The following HAS1 variants were observed in gnomAD, a reference collection of about 807,000 sequenced individuals.
HAS1 encodes the protein hyaluronan synthase 1, also known as HA synthase 1.
Under a neutral mutation model 35.0 loss-of-function variants are expected in HAS1, and 27 were observed. The ratio of observed to expected loss-of-function variants is 0.77; its 90% CI spans 0.57 to 1.06. The LOEUF (loss-of-function observed/expected upper bound fraction) is 1.06, where lower values mean the gene tolerates loss of function less well. Among genes scored for constraint, HAS1 ranks in the 50% least tolerant of loss-of-function variants. HAS1 has a pLI of 0.00. For missense variants in HAS1, 940 were observed against 814.8 expected (o/e 1.15, Z -1.87); for synonymous variants, 409 against 371.2 (o/e 1.10, Z -1.17).
In HAS1 at chr19:51,719,879, G is replaced by A; in HGVS notation, c.26C>T (p.Thr9Ile). The change falls in exon 2 of 5, where the codon ACT becomes ATT. Residue 9 changes from threonine to isoleucine, a missense_variant. Transcript: ENST00000540069. MRQDAPKP[T>I]PAACRCSGLA... ...GCCGGAGCAGCGGCAGGCTGCAGGA[G>A]TGGGCTTGGGCGCGTCCTGCTGGGA... 49 of 1,537,628 alleles carry A rather than the reference G, an allele frequency of 3.2e-5. No individual in the cohort carries two copies. Among genetic ancestry groups the A allele is most frequent in the Non-Finnish European group, 4.3e-5 (49 of 1,146,776 alleles).
At chr19:51,723,655 G>A (rs539726386) in intron 1 of HAS1, among the ~76,000 whole-genome samples, 2 of 152,068 alleles carry the variant, frequency 1.3e-5, no homozygotes, top group South Asian at 2.1e-4. Context: ...AGCAAGATAC[G>A]CAGATACAGA....
Position 51,719,767 on chromosome 19 carries a change from G to C in HAS1, c.138C>G (p.Ala46=), listed in dbSNP as rs1399183052. 6.4e-7 allele frequency: 1 copy of C among 1,564,884 alleles called. No individual in the cohort carries two copies. Among genetic ancestry groups the C allele is most frequent in the African/African-American group, 1.4e-5 (1 of 73,992 alleles). ...TWAYAAGVPL[A]SDRYGLLAFG... ...AGGCCAGGAGGCCGTAGCGATCGGAGGCCAGCGGCACCCCGGCGGCGTAGG... is the reference window on the plus strand; with the variant it reads ...AGGCCAGGAGGCCGTAGCGATCGGACGCCAGCGGCACCCCGGCGGCGTAGG... Residue 46 remains alanine, a synonymous_variant, in exon 2 of 5, where the codon GCC becomes GCG. Transcript: ENST00000540069.
Position 51,713,847 on chromosome 19 carries a change from C to T in HAS1, c.1314G>A (p.Gln438=), listed in dbSNP as rs750377912. 1.2e-6 allele frequency: 2 copies of T among 1,607,348 alleles called. No homozygotes were observed. The highest frequency in any genetic ancestry group is 1.7e-5 in the Admixed American group (1 of 59,934). Residue 438 remains glutamine (Q), a synonymous_variant, in exon 5 of 5, where the codon CAG becomes CAA. Transcript: ENST00000540069. This position sits in a 1 kb window ranked among gnomAD's most constrained non-coding sequence, Gnocchi z 4.5. ...AGGCCGCCTTGGCCAGTGCCACGCCCTGCACGCACAGCAGCACCCACAGCA... is the reference window on the plus strand; with the variant it reads ...AGGCCGCCTTGGCCAGTGCCACGCCTTGCACGCACAGCAGCACCCACAGCA... ...WALLWVLLCV[Q]GVALAKAAFA...
At position 51,719,211 on chromosome 19, in the gene HAS1, C is replaced by G. The variant is rs775182179; in HGVS notation, c.694G>C (p.Val232Leu). Residue 232 changes from valine (V) to leucine (L), a missense_variant, in exon 2 of 5, where the codon GTG (valine) becomes CTG (leucine). Val to Leu is a conservative substitution (Grantham distance 32, BLOSUM62 1). Coordinates refer to ENST00000540069, the MANE Select transcript of HAS1 (RefSeq NM_001297436.2). ...FKALGDSVDY[V>L]QVCDSDTRLD... Reference sequence around the variant, plus strand: ...CTGAAGGCGCCTCTACTCACCTGCACGTAGTCCACCGAATCTCCGAGCGCC... The same window carrying G: ...CTGAAGGCGCCTCTACTCACCTGCAGGTAGTCCACCGAATCTCCGAGCGCC... 18 of 1,561,746 alleles carry G rather than the reference C, an allele frequency of 1.2e-5. No individual in the cohort carries two copies. The Admixed American group carries it at 2.3e-4, about 20-fold the overall frequency.
Position 51,717,207 on chromosome 19 carries a change from G to C in HAS1, c.700-14C>G. 4 of 1,577,018 alleles carry C rather than the reference G, an allele frequency of 2.5e-6. No individual in the cohort carries two copies. Among genetic ancestry groups the C allele is most frequent in the Non-Finnish European group, 3.5e-6 (4 of 1,149,326 alleles). On this transcript the variant is annotated splice_polypyrimidine_tract_variant and intron_variant, in intron 2 of 4. Coordinates refer to ENST00000540069, the MANE Select transcript of HAS1 (RefSeq NM_001297436.2). Reference sequence around the variant, plus strand: ...CGAGTCACAGACCTGTAAGGTGGAAGGGGCCAGGATCAGCACAGACCCCTG... The same window carrying C: ...CGAGTCACAGACCTGTAAGGTGGAACGGGCCAGGATCAGCACAGACCCCTG...
In HAS1 at chr19:51,716,236, AC is replaced by A. The variant is rs748761812; in HGVS notation, c.1058+19del. On this transcript the variant is annotated intron_variant, in intron 4 of 4. Transcript: ENST00000540069. The stretch of plus-strand genomic sequence containing the variant: ...CATTGGCCTCCACACATACCCGACC[AC>A]CTGGTCCCCTCAGCTTACTTGGTAG... 14 of 1,607,102 alleles carry A rather than the reference AC, an allele frequency of 8.7e-6. No homozygotes were observed. The highest frequency in any genetic ancestry group is 1.2e-5 in the Non-Finnish European group (14 of 1,176,412).
chr19:51,720,673 C>A (rs10414143), intron 1 of HAS1, among the ~76,000 whole-genome samples: 44,633 of 150,870 alleles, frequency 0.3, 6,762 homozygotes, highest in African/African-American at 0.36. Flanking sequence ...AAAAAAAAAA[C>A]AATTAGAGGA....
At chr19:51,716,165 A>G (rs1240773536) in intron 4 of HAS1, 91 bp downstream of exon 4, 2 of 1,126,926 alleles carry the variant, frequency 1.8e-6, no homozygotes, top group Non-Finnish European at 2.6e-6. Context: ...CTGGTGAGTT[A>G]CTTTGGATTT....
At position 51,717,102 on chromosome 19, in the gene HAS1, C is replaced by T. The variant is rs910008923; in HGVS notation, c.791G>A (p.Gly264Glu). 1 of 1,614,052 alleles carries T rather than the reference C, an allele frequency of 6.2e-7. No homozygotes were observed. Among genetic ancestry groups the T allele is most frequent in the Non-Finnish European group, 8.5e-7 (1 of 1,179,958 alleles). ...CAGAGGGTTAAGGATCCGCACGTCC[C>T]CACCAACAGCCCCTACCCGGGGGTC... ...DEDPRVGAVG[G>E]DVRILNPLDS... Residue 264 changes from glycine to glutamate, a missense_variant, in exon 3 of 5, where the codon GGG becomes GAG. Physicochemically the swap from Gly to Glu is moderately conservative, Grantham distance 98 (BLOSUM62 -2). Coordinates refer to ENST00000540069, the MANE Select transcript of HAS1 (RefSeq NM_001297436.2).
chr19:51,718,508 C>A (rs1386562517), intron 2 of HAS1, among the ~76,000 whole-genome samples: 1 of 152,078 alleles, frequency 6.6e-6, no homozygotes, highest in Non-Finnish European at 1.5e-5. Context: ...AAAAGAATTT[C>A]TACACTGAAT....
chr19:51,718,770 C>T (rs754191291), intron 2 of HAS1, among the ~76,000 whole-genome samples: 55 of 152,274 alleles, frequency 3.6e-4, no homozygotes, highest in Non-Finnish European at 6.9e-4. Context: ...CTCCTGACCT[C>T]AGGTGATCCG....
chr19:51,713,998 T>C lies in HAS1; in HGVS notation c.1163A>G (p.Tyr388Cys). ...GTGCCGGTGCCACCAGAGCGCGTTG[T>C]ACAGCCACTCACGGAAGTACGACTT... ...WSKSYFREWL[Y>C]NALWWHRHHA... The change falls in exon 5 of 5, where the codon TAC becomes TGC. Residue 388 changes from tyrosine to cysteine, a missense_variant. By Grantham distance (194) the Tyr-to-Cys change is radical. Transcript: ENST00000540069. The surrounding 1 kb of genome is among the most constrained non-coding windows in gnomAD (Gnocchi z 4.5). The C allele has an allele frequency of 3.1e-6, 5 of 1,613,890 alleles. No individual in the cohort carries two copies. The highest frequency in any genetic ancestry group is 4.2e-6 in the Non-Finnish European group (5 of 1,179,970).
intron 2 of HAS1, among the ~76,000 whole-genome samples, chr19:51,717,644 G>C (rs1003843781): frequency 6.6e-6 from 1 of 152,186 alleles, no homozygotes; most frequent in Non-Finnish European, 1.5e-5. Context: ...AAGTCAGAGA[G>C]TCTCCTTGCT....
chr19:51,713,983 C>T lies in HAS1; in HGVS notation c.1178G>A (p.Trp393Ter). 2 of 1,613,634 alleles carry T rather than the reference C, an allele frequency of 1.2e-6. No individual in the cohort carries two copies. The highest frequency in any genetic ancestry group is 2.2e-5 in the East Asian group (1 of 44,878). Residue 393 changes from tryptophan to a stop codon, truncating the protein, a stop_gained, in exon 5 of 5, where the codon TGG becomes TAG. Transcript: ENST00000540069. LOFTEE classifies it low-confidence loss of function (END_TRUNC). The surrounding 1 kb of genome is among the most constrained non-coding windows in gnomAD (Gnocchi z 4.5). ...FREWLYNALWWHRHHAWMTYE... is the reference protein window; with the variant it reads ...FREWLYNALW ...GGTCATCCACGCATGGTGCCGGTGC[C>T]ACCAGAGCGCGTTGTACAGCCACTC... is the stretch of plus-strand genomic sequence containing the variant.
rs573570625 is a variant in HAS1 at position 51,717,466 on chromosome 19, C to A, written c.700-273G>T. On this transcript the variant is annotated intron_variant, in intron 2 of 4. Transcript: ENST00000540069. Reference sequence around the variant, plus strand: ...CTTGCTACTAAGCAATAGAATATGGCAGAAGTTATGGGATATAACTGCCAT... The same window carrying A: ...CTTGCTACTAAGCAATAGAATATGGAAGAAGTTATGGGATATAACTGCCAT... Among the ~76,000 whole-genome samples the A allele has an allele frequency of 2.0e-5, 3 of 152,158 alleles. No individual in the cohort carries two copies. The East Asian group carries it at 5.8e-4, about 29-fold the overall frequency.
At chr19:51,719,151 GA>G in intron 2 of HAS1, 54 bp downstream of exon 2, 1 of 1,111,322 alleles carries the variant, frequency 9.0e-7, no homozygotes, top group Non-Finnish European at 1.3e-6. Context: ...AAGACCCCAG[GA>G]AAGTGGGATT....
At position 51,719,773 on chromosome 19, in the gene HAS1, C is replaced by A. The variant is rs61736497; in HGVS notation, c.132G>T (p.Pro44=). 0.01 allele frequency: 16,097 copies of A among 1,561,762 alleles called. 1,180 individuals are homozygous for A. The African/African-American group carries it at 0.17, about 17-fold the overall frequency. Residue 44 remains proline (P), a synonymous_variant, in exon 2 of 5, where the codon CCG becomes CCT. Coordinates refer to ENST00000540069, the MANE Select transcript of HAS1 (RefSeq NM_001297436.2). ...GGAGGCCGTAGCGATCGGAGGCCAGCGGCACCCCGGCGGCGTAGGCCCAGG... is the reference window on the plus strand; with the variant it reads ...GGAGGCCGTAGCGATCGGAGGCCAGAGGCACCCCGGCGGCGTAGGCCCAGG... ...LMTWAYAAGV[P]LASDRYGLLA...
In HAS1 at chr19:51,714,192, C is replaced by T. The variant is rs369358857; in HGVS notation, c.1059-90G>A. ...GGCAGAAATGACCACTGTGGACGGC[C>T]ACTGGGGGCGAGTTTCTTAACCTCT... On this transcript the variant is annotated intron_variant, in intron 4 of 4. Coordinates refer to ENST00000540069, the MANE Select transcript of HAS1 (RefSeq NM_001297436.2). 5.7e-4 allele frequency: 873 copies of T among 1,528,962 alleles called. 8 individuals are homozygous for T. In the South Asian group the frequency reaches 0.01, roughly 18 times the overall value. The allele number at this position is 1,528,962 out of a possible 1,614,324, so 94.7% of individuals were successfully genotyped here.
At chr19:51,716,087 A>C in intron 4 of HAS1, 169 bp downstream of exon 4, 1 of 611,814 alleles carries the variant, frequency 1.6e-6, no homozygotes, top group South Asian at 2.1e-5. Context: ...GCTCAATGCA[A>C]ATGGCCCCTC....
Sources: allele counts gnomAD v4.1 joint callset (sites outside exome capture counted in the v4.1 genomes callset), GRCh38; gene constraint gnomAD v4.1.1; non-coding constraint Gnocchi (gnomAD v3.1); transcripts MANE v1.5; gene names NCBI Gene and HGNC (gene_info 2026-07-23, HGNC 2026-07-21).